The following TSHR variants were observed in gnomAD, a reference collection of about 807,000 sequenced individuals.
The protein encoded by TSHR is thyrotropin receptor.
Under a neutral mutation model 64.1 loss-of-function variants are expected in TSHR, and 51 were observed. The observed-to-expected ratio is 0.80, with a 90% CI of 0.64 to 1.01. The LOEUF (loss-of-function observed/expected upper bound fraction) is 1.01, where lower values mean the gene tolerates loss of function less well. Ranked by LOEUF, TSHR falls within the 50% of genes least tolerant of loss-of-function variation. The pLI, the probability that TSHR is intolerant of heterozygous loss-of-function variation, is 0.00. For missense variants in TSHR, 877 were observed against 942.8 expected (o/e 0.93, Z 0.91); for synonymous variants, 361 against 361.9 (o/e 1.00, Z 0.03).
intron 1 of TSHR, chr14:80,991,512 C>T (rs724169): frequency 0.22 from 88,858 of 397,848 alleles, 10,801 homozygotes; most frequent in Admixed American, 0.3. Context: ...ATTATTAACG[C>T]AACCATTCTT....
intron 1 of TSHR, among the ~76,000 whole-genome samples, chr14:80,975,547 A>G (rs894971856): frequency 1.3e-5 from 2 of 152,106 alleles, no homozygotes; most frequent in South Asian, 2.1e-4. Flanking sequence ...TCACAGCTAA[A>G]TGTTCATAAG....
chr14:81,121,126 T>C (rs767806771), intron 8 of TSHR, among the ~76,000 whole-genome samples: 1 of 150,802 alleles, frequency 6.6e-6, no homozygotes, highest in African/African-American at 2.4e-5. Flanking sequence ...TTCCCATTAA[T>C]AAAGAAAATG....
intron 8 of TSHR, 85 bp downstream of exon 8, chr14:81,108,537 C>G (rs1595128588): frequency 5.7e-6 from 9 of 1,588,384 alleles, no homozygotes; most frequent in Admixed American, 1.8e-5. Context: ...AGGGGAGAAT[C>G]TTATGTTCAA....
At chr14:81,054,051 G>A (rs991596892) in intron 1 of TSHR, among the ~76,000 whole-genome samples, 11 of 152,200 alleles carry the variant, frequency 7.2e-5, no homozygotes, top group African/African-American at 2.4e-4. Flanking sequence ...GTTTGACTGT[G>A]TCCCCACTCA....
At position 81,092,601 on chromosome 14, in the gene TSHR, T is replaced by C; in HGVS notation, c.538T>C (p.Leu180=). ...TTTTCAGGGACTATGCAATGAAACC[T>C]TGACACTGTGAGTATTACCAGTTCT... The part of the protein sequence containing the change: ...NAFQGLCNET[L]TLKLYNNGFT... The change falls in exon 6 of 10, where the codon TTG becomes CTG. Residue 180 remains leucine (L), a synonymous_variant. Transcript: ENST00000298171. 6.2e-7 allele frequency: 1 copy of C among 1,613,998 alleles called. No homozygotes were observed. Among genetic ancestry groups the C allele is most frequent in the Non-Finnish European group, 8.5e-7 (1 of 1,179,906 alleles).
At chr14:81,099,716 G>A (rs779893132) in intron 7 of TSHR, among the ~76,000 whole-genome samples, 4 of 152,128 alleles carry the variant, frequency 2.6e-5, no homozygotes, top group Non-Finnish European at 4.4e-5. Context: ...TGACAAAAAT[G>A]CTGGGATGAT....
intron 1 of TSHR, among the ~76,000 whole-genome samples, chr14:80,997,541 G>A (rs1354446378): frequency 1.3e-5 from 2 of 152,184 alleles, no homozygotes; most frequent in African/African-American, 2.4e-5. Context: ...GAGAGGAAGA[G>A]ACCCAGCTTT....
At chr14:81,002,431 A>C (rs1889369936) in intron 1 of TSHR, among the ~76,000 whole-genome samples, 1 of 152,200 alleles carries the variant, frequency 6.6e-6, no homozygotes, top group Admixed American at 6.5e-5. Context: ...AAATAGGGAT[A>C]ATAGTATTAC....
At chr14:81,059,761 A>C (rs1267935374) in intron 1 of TSHR, among the ~76,000 whole-genome samples, 1 of 152,168 alleles carries the variant, frequency 6.6e-6, no homozygotes. Flanking sequence ...GGTAAAAAAA[A>C]TCTGGCTGGG....
intron 9 of TSHR, among the ~76,000 whole-genome samples, chr14:81,141,205 G>A (rs1269564319): frequency 6.6e-6 from 1 of 152,186 alleles, no homozygotes; most frequent in Non-Finnish European, 1.5e-5. Flanking sequence ...GCCAGGAGTG[G>A]GGTAGAGGAT....
At chr14:80,963,827 C>T (rs1218896453) in intron 1 of TSHR, among the ~76,000 whole-genome samples, 6 of 152,162 alleles carry the variant, frequency 3.9e-5, no homozygotes, top group African/African-American at 1.4e-4. Flanking sequence ...TCGGAGAGAC[C>T]TTCTGCTTCT....
At chr14:81,024,861 G>A (rs973928860) in intron 1 of TSHR, among the ~76,000 whole-genome samples, 1 of 152,056 alleles carries the variant, frequency 6.6e-6, no homozygotes, top group Non-Finnish European at 1.5e-5. Flanking sequence ...TAGATCCCAT[G>A]GTGTTATTCA....
chr14:81,084,688 TGCTGTATTACAAACA>T (rs1566802449), intron 3 of TSHR, among the ~76,000 whole-genome samples: 1 of 152,194 alleles, frequency 6.6e-6, no homozygotes, highest in African/African-American at 2.4e-5. Context: ...ATTCCTAGTG[TGCTGTATTACAAACA>T]GCTTTTCTTT....
At chr14:81,092,403 T>G (rs948027779) in intron 5 of TSHR, 128 bp from the exon 6 acceptor site, 26 of 921,352 alleles carry the variant, frequency 2.8e-5, no homozygotes, top group Non-Finnish European at 4.0e-5. Flanking sequence ...GAAGGGTCAG[T>G]GAAACTTAAA....
intron 1 of TSHR, among the ~76,000 whole-genome samples, chr14:81,002,040 A>T (rs1015845782): frequency 6.6e-6 from 1 of 152,212 alleles, no homozygotes; most frequent in Admixed American, 6.5e-5. Flanking sequence ...CCTACATTGC[A>T]GCAGAATTTG....
intron 1 of TSHR, among the ~76,000 whole-genome samples, chr14:81,048,102 C>A (rs536641574): frequency 6.6e-6 from 1 of 152,092 alleles, no homozygotes; most frequent in Non-Finnish European, 1.5e-5. Flanking sequence ...CTCTTCATAA[C>A]AATAAATGAG....
At chr14:81,096,825 G>A in intron 7 of TSHR, 118 bp downstream of exon 7, 1 of 1,151,816 alleles carries the variant, frequency 8.7e-7, no homozygotes, top group Admixed American at 1.9e-5. Flanking sequence ...CAGAGTTAGT[G>A]TGACCAACAT....
chr14:80,983,923 G>A (rs962518814), intron 1 of TSHR, among the ~76,000 whole-genome samples: 1 of 152,176 alleles, frequency 6.6e-6, no homozygotes, highest in Non-Finnish European at 1.5e-5. Context: ...TTGTAAGTGA[G>A]CTAACTTGTT....
chr14:81,084,333 G>A (rs73334084), intron 3 of TSHR, among the ~76,000 whole-genome samples: 2,674 of 151,830 alleles, frequency 0.018, 73 homozygotes, highest in African/African-American at 0.062. Context: ...TAAAGTTTGA[G>A]ATTTTTTGCA....
Sources: gnomAD v4.1 joint callset for allele counts (sites outside exome capture counted in the v4.1 genomes callset) on GRCh38, gnomAD v4.1.1 for gene constraint, MANE v1.5 for transcripts, NCBI Gene and HGNC (gene_info 2026-07-23, HGNC 2026-07-21) for gene names.